ADGB: variants seen among roughly 807,000 people sequenced by gnomAD.
ADGB encodes calpain-7-like protein.
A neutral mutation model predicts 210.5 loss-of-function variants in ADGB; 172 were observed. That is an observed-to-expected ratio of 0.82 (90% CI 0.72 to 0.93). The LOEUF (loss-of-function observed/expected upper bound fraction) is 0.93. Among genes scored for constraint, ADGB ranks in the 40% least tolerant of loss-of-function variants. ADGB has a pLI of 0.00. For missense variants in ADGB, 2,025 were observed against 1,964.8 expected, an observed-to-expected ratio of 1.03 and a Z score of -0.58; for synonymous variants, 658 against 662.7, an observed-to-expected ratio of 0.99 and a Z score of 0.11.
intron 2 of ADGB, among the ~76,000 whole-genome samples, chr6:146,642,686 A>C (rs538553902): frequency 1.1e-4 from 17 of 152,078 alleles, no homozygotes; most frequent in African/African-American, 3.9e-4. Context: ...ACACATTCTC[A>C]CTTCTAAGTG....
At chr6:146,667,691 C>A (rs1032416402) in intron 7 of ADGB, among the ~76,000 whole-genome samples, 1 of 152,008 alleles carries the variant, frequency 6.6e-6, no homozygotes, top group Non-Finnish European at 1.5e-5. Context: ...CACTTATAAA[C>A]CTGTCACACT....
At chr6:146,642,711 A>G (rs1225808677) in intron 2 of ADGB, among the ~76,000 whole-genome samples, 1 of 151,788 alleles carries the variant, frequency 6.6e-6, no homozygotes, top group East Asian at 1.9e-4. Flanking sequence ...CTAAATCATA[A>G]GAACTTATGA....
intron 25 of ADGB, among the ~76,000 whole-genome samples, chr6:146,743,699 A>T (rs1290686349): frequency 6.6e-6 from 1 of 152,164 alleles, no homozygotes; most frequent in Non-Finnish European, 1.5e-5. Flanking sequence ...GGGTCATCTG[A>T]GGTCAGGAGA....
At chr6:146,676,808 CCTACAT>C (rs1776091560) in intron 9 of ADGB, among the ~76,000 whole-genome samples, 1 of 152,166 alleles carries the variant, frequency 6.6e-6, no homozygotes. Flanking sequence ...AAACAAAAAG[CCTACAT>C]CTGGCTCCTT....
rs1303693336 is a variant in ADGB at position 146,635,454 on chromosome 6, A to C, written c.154A>C (p.Ser52Arg). ...GAAATTCCCACTCTGGCCAGAGTGG[A>C]GTGAAGCTGACATAAATTCAGAAAA... The part of the protein sequence containing the change: ...KGKFPLWPEW[S>R]EADINSEKWD... The change falls in exon 2 of 36, where the codon AGT becomes CGT. Residue 52 changes from serine to arginine, a missense_variant. By Grantham distance (110) the Ser-to-Arg change is moderately radical. Coordinates refer to ENST00000397944, the MANE Select transcript of ADGB (RefSeq NM_024694.4). 1 of 1,548,466 alleles carries C rather than the reference A, an allele frequency of 6.5e-7. No individual in the cohort carries two copies. The highest frequency in any genetic ancestry group is 2.0e-5 in the Admixed American group (1 of 50,702).
At chr6:146,660,272 T>C (rs959604021) in intron 5 of ADGB, among the ~76,000 whole-genome samples, 1 of 152,226 alleles carries the variant, frequency 6.6e-6, no homozygotes, top group African/African-American at 2.4e-5. Context: ...AAATTATTTT[T>C]CTATCATTCA....
intron 34 of ADGB, 55 bp from the exon 35 acceptor site, chr6:146,801,773 C>A: frequency 1.4e-6 from 2 of 1,428,320 alleles, no homozygotes; most frequent in Non-Finnish European, 1.9e-6. Context: ...TAAAGTGAAG[C>A]TTATTCCAGA....
chr6:146,642,163 CAATATTACTTATTATTAGA>C (rs1775526487), intron 2 of ADGB, among the ~76,000 whole-genome samples: 1 of 151,180 alleles, frequency 6.6e-6, no homozygotes, highest in African/African-American at 2.4e-5. Flanking sequence ...AAAAAAAGCT[CAATATTACTTATTATTAGA>C]AATACCATTT....
At chr6:146,782,358 C>T (rs1777814172) in intron 30 of ADGB, among the ~76,000 whole-genome samples, 166 bp downstream of exon 30, 1 of 152,188 alleles carries the variant, frequency 6.6e-6, no homozygotes, top group Non-Finnish European at 1.5e-5. Flanking sequence ...TCCTCAAGCT[C>T]CCTTTTCTAG....
intron 12 of ADGB, among the ~76,000 whole-genome samples, chr6:146,695,405 C>G (rs183147720): frequency 6.6e-6 from 1 of 152,130 alleles, no homozygotes; most frequent in Admixed American, 6.5e-5. Context: ...TTTGTATCTA[C>G]ACTGTAACAA....
chr6:146,748,675 C>G (rs532203282), intron 26 of ADGB, among the ~76,000 whole-genome samples: 3 of 152,122 alleles, frequency 2.0e-5, no homozygotes, highest in Non-Finnish European at 4.4e-5. Context: ...AAACTAACTC[C>G]TGCCTCAAGC....
chr6:146,630,442 ACAT>A, intron 1 of ADGB, among the ~76,000 whole-genome samples: 1 of 151,796 alleles, frequency 6.6e-6, no homozygotes, highest in Admixed American at 6.6e-5. Context: ...TAAAAGCCAG[ACAT>A]GTTGGCACTC....
At chr6:146,712,480 C>A (rs1416988675) in intron 13 of ADGB, among the ~76,000 whole-genome samples, 1 of 152,030 alleles carries the variant, frequency 6.6e-6, no homozygotes, top group Non-Finnish European at 1.5e-5. Flanking sequence ...AGCCACCATG[C>A]CAGGCCCTGG....
chr6:146,800,327 A>G (rs1778109657), intron 33 of ADGB, among the ~76,000 whole-genome samples: 1 of 152,176 alleles, frequency 6.6e-6, no homozygotes, highest in South Asian at 2.1e-4. Context: ...CTGTAGAGAC[A>G]TAAGTAGATT....
chr6:146,685,720 T>A lies in ADGB; in HGVS notation c.1217-14T>A. The stretch of plus-strand genomic sequence containing the variant: ...ACTAGAATTTTCACAACATAATGTA[T>A]GTTTGTTTTACAGGTTCTTCTGCAA... On this transcript the variant is annotated splice_polypyrimidine_tract_variant and intron_variant, in intron 9 of 35. Transcript: ENST00000397944. 1.4e-6 allele frequency: 2 copies of A among 1,459,586 alleles called. No homozygotes were observed. Among genetic ancestry groups the A allele is most frequent in the Non-Finnish European group, 1.8e-6 (2 of 1,093,880 alleles). 90.4% of individuals were successfully genotyped at this position (1,459,586 alleles called of 1,614,324 possible).
chr6:146,809,262 A>G (rs1356996523), intron 35 of ADGB, among the ~76,000 whole-genome samples: 1 of 152,144 alleles, frequency 6.6e-6, no homozygotes, highest in East Asian at 1.9e-4. Context: ...CTAGAGTGCA[A>G]TGGCGCAATC....
At chr6:146,799,848 C>T (rs1315889694) in intron 33 of ADGB, among the ~76,000 whole-genome samples, 1 of 151,946 alleles carries the variant, frequency 6.6e-6, no homozygotes, top group African/African-American at 2.4e-5. Context: ...CTCACTCTGT[C>T]GCCCAGGCTG....
chr6:146,727,613 C>T (rs1776916352), intron 19 of ADGB, among the ~76,000 whole-genome samples: 1 of 152,034 alleles, frequency 6.6e-6, no homozygotes, highest in Non-Finnish European at 1.5e-5. Context: ...ATATTACTTC[C>T]TGATGTTGAA....
chr6:146,619,424 A>T (rs902812060), intron 1 of ADGB, among the ~76,000 whole-genome samples: 1 of 151,940 alleles, frequency 6.6e-6, no homozygotes, highest in Admixed American at 6.6e-5. Flanking sequence ...TGTTTTTGGG[A>T]TTTTAAAATA....
Sources: allele counts gnomAD v4.1 joint callset (sites outside exome capture counted in the v4.1 genomes callset), GRCh38; gene constraint gnomAD v4.1.1; transcripts MANE v1.5; gene names NCBI Gene and HGNC (gene_info 2026-07-23, HGNC 2026-07-21).